The following MBD2 variants were observed in gnomAD, a reference collection of about 807,000 sequenced individuals.
MBD2 encodes the protein methyl-CpG-binding domain protein 2.
MBD2 carries 9 observed loss-of-function variants against 39.3 expected under a neutral mutation model. The ratio of observed to expected loss-of-function variants is 0.23; its 90% CI spans 0.14 to 0.40. MBD2 has a LOEUF of 0.40. MBD2 is among the 10% of genes least tolerant of loss of function. The pLI is 1.00. For synonymous variants in MBD2, 233 were observed against 211.1 expected, an observed-to-expected ratio of 1.10 and a Z score of -0.90; for missense variants, 458 against 532.6, an observed-to-expected ratio of 0.86 and a Z score of 1.38.
At position 54,205,129 on chromosome 18, in the gene MBD2, G is replaced by T; in HGVS notation, c.571C>A (p.Pro191Thr). The T allele has an allele frequency of 6.2e-7, 1 of 1,613,768 alleles. No individual in the cohort carries two copies. Among genetic ancestry groups the T allele is most frequent in the Non-Finnish European group, 8.5e-7 (1 of 1,179,874 alleles). Residue 191 changes from proline to threonine, a missense_variant, in exon 2 of 7, where the codon CCT (proline) becomes ACT (threonine). By Grantham distance (38) the Pro-to-Thr change is conservative (BLOSUM62 -1). Coordinates refer to ENST00000256429, the MANE Select transcript of MBD2 (RefSeq NM_003927.5). ...SPSGKKFRSK[P>T]QLARYLGNTV... ...TTTCCCAGGTACCTTGCCAACTGAG[G>T]CTTGCTTCTGAACTTCTTACCACTT...
At chr18:54,214,003 C>CTTTT (rs529774043) in intron 1 of MBD2, among the ~76,000 whole-genome samples, 1 of 129,298 alleles carries the variant, frequency 7.7e-6, no homozygotes. Flanking sequence ...TTCTTTCTTT[C>CTTTT]TTTTTTTTTT....
intron 3 of MBD2, among the ~76,000 whole-genome samples, chr18:54,172,262 G>T (rs2144291218): frequency 6.6e-6 from 1 of 152,206 alleles, no homozygotes; most frequent in South Asian, 2.1e-4. Context: ...AAAAAATAAA[G>T]AATTGGTGTA....
Position 54,164,805 on chromosome 18 carries a change from T to C in MBD2, c.932-105A>G, listed in dbSNP as rs186921808. 9.1e-5 allele frequency: 77 copies of C among 844,724 alleles called. No homozygotes were observed. In the African/African-American group the frequency reaches 1.2e-3, roughly 13 times the overall value. The allele number at this position is 844,724 out of a possible 1,614,324, so 52.3% of individuals were successfully genotyped here. A position where few individuals can be genotyped will look rare whatever the true frequency, so the allele number is the denominator to read the frequency against. On this transcript the variant is annotated intron_variant, in intron 4 of 6. Transcript: ENST00000256429. ...ATTTTTATATTCATTTGGGATCATA[T>C]ATGTAAAACTGACATAAGACAAAGC... is the stretch of plus-strand genomic sequence containing the variant.
chr18:54,206,092 G>T (rs552397446), intron 1 of MBD2, among the ~76,000 whole-genome samples: 4 of 152,212 alleles, frequency 2.6e-5, no homozygotes, highest in African/African-American at 9.6e-5. Context: ...TAATACTACT[G>T]AAATGAGAAA....
At position 54,188,943 on chromosome 18, in the gene MBD2, G is replaced by A. The variant is rs199780930; in HGVS notation, c.771C>T (p.Thr257=). The change falls in exon 3 of 7, where the codon ACC becomes ACT. Residue 257 remains threonine (T), a synonymous_variant. Transcript: ENST00000256429. ...QTASIFKQPV[T]KVTNHPSNKV... ...TATTACTAGGATGATTTGTGACTTTGGTTACCGGTTGTTTGAAAATTGATG... is the reference window on the plus strand; with the variant it reads ...TATTACTAGGATGATTTGTGACTTTAGTTACCGGTTGTTTGAAAATTGATG... The A allele has an allele frequency of 1.3e-4, 204 of 1,610,050 alleles. No individual in the cohort carries two copies. Among genetic ancestry groups the A allele is most frequent in the Admixed American group, 2.5e-4 (15 of 59,962 alleles).
intron 3 of MBD2, 127 bp from the exon 4 acceptor site, chr18:54,166,293 T>G (rs1305963692): frequency 1.6e-6 from 1 of 633,810 alleles, no homozygotes; most frequent in Non-Finnish European, 2.8e-6. Flanking sequence ...TTTTTCCTTA[T>G]AAAAAGCTAA....
chr18:54,215,771 G>GGTGT (rs1231126585), intron 1 of MBD2, among the ~76,000 whole-genome samples: 1 of 151,700 alleles, frequency 6.6e-6, no homozygotes, highest in East Asian at 1.9e-4. Flanking sequence ...TGGGATTAAA[G>GGTGT]GTGTGAGCCA....
intron 3 of MBD2, among the ~76,000 whole-genome samples, chr18:54,177,064 T>C (rs1249470872): frequency 6.6e-6 from 1 of 152,220 alleles, no homozygotes; most frequent in East Asian, 1.9e-4. Context: ...ACAATTATCC[T>C]AAGATGACCA....
intron 3 of MBD2, among the ~76,000 whole-genome samples, chr18:54,168,877 T>A (rs1199760635): frequency 6.6e-6 from 1 of 152,076 alleles, no homozygotes; most frequent in Non-Finnish European, 1.5e-5. Flanking sequence ...CTCAGTATGT[T>A]CCTAACTCAC....
chr18:54,218,065 C>T (rs950753113), intron 1 of MBD2, among the ~76,000 whole-genome samples: 9 of 152,156 alleles, frequency 5.9e-5, no homozygotes, highest in African/African-American at 2.2e-4. Flanking sequence ...TTCTATTATG[C>T]AATTAAGCTC....
chr18:54,157,347 G>T (rs955838136), intron 6 of MBD2, among the ~76,000 whole-genome samples: 3 of 151,008 alleles, frequency 2.0e-5, no homozygotes, highest in Non-Finnish European at 2.9e-5. Flanking sequence ...TGCAACCTCC[G>T]CCTCCCAGGT....
At chr18:54,178,348 C>T (rs2086226954) in intron 3 of MBD2, among the ~76,000 whole-genome samples, 1 of 151,796 alleles carries the variant, frequency 6.6e-6, no homozygotes, top group Non-Finnish European at 1.5e-5. Context: ...AGTATATAAA[C>T]ACAGTGACAG....
intron 1 of MBD2, among the ~76,000 whole-genome samples, chr18:54,205,550 C>T (rs1168317933): frequency 1.4e-5 from 2 of 144,748 alleles, no homozygotes; most frequent in Non-Finnish European, 3.0e-5. Flanking sequence ...AAGATCGCGT[C>T]ACTGTACTCC....
intron 1 of MBD2, among the ~76,000 whole-genome samples, chr18:54,207,266 G>A (rs766988487): frequency 3.3e-5 from 5 of 152,116 alleles, no homozygotes; most frequent in Non-Finnish European, 7.4e-5. Flanking sequence ...CAGATGGAAG[G>A]AGGAGCACAG....
At chr18:54,217,528 G>C (rs2086571333) in intron 1 of MBD2, among the ~76,000 whole-genome samples, 1 of 152,138 alleles carries the variant, frequency 6.6e-6, no homozygotes, top group African/African-American at 2.4e-5. Flanking sequence ...AATCCAGGAA[G>C]AGTTTATGGT....
chr18:54,220,201 A>G (rs545905730), intron 1 of MBD2, among the ~76,000 whole-genome samples: 1 of 152,304 alleles, frequency 6.6e-6, no homozygotes, highest in African/African-American at 2.4e-5. Context: ...TATGCAAGCA[A>G]CTAGAAATGA....
chr18:54,208,492 A>G (rs1296081216), intron 1 of MBD2, among the ~76,000 whole-genome samples: 1 of 151,972 alleles, frequency 6.6e-6, no homozygotes, highest in African/African-American at 2.4e-5. Context: ...CTCTGTCTCA[A>G]TAAAATAAAA....
At chr18:54,169,349 G>C (rs574007467) in intron 3 of MBD2, among the ~76,000 whole-genome samples, 2 of 151,104 alleles carry the variant, frequency 1.3e-5, no homozygotes, top group South Asian at 4.1e-4. Flanking sequence ...TAGTCAGTCA[G>C]CTCCTCTCAC....
intron 3 of MBD2, among the ~76,000 whole-genome samples, chr18:54,176,139 C>T (rs1189072389): frequency 6.6e-6 from 1 of 152,184 alleles, no homozygotes; most frequent in South Asian, 2.1e-4. Flanking sequence ...ACACAAAATT[C>T]GCACTCAGAT....
Sources: gnomAD v4.1 joint callset for allele counts (sites outside exome capture counted in the v4.1 genomes callset) on GRCh38, gnomAD v4.1.1 for gene constraint, MANE v1.5 for transcripts, NCBI Gene and HGNC (gene_info 2026-07-23, HGNC 2026-07-21) for gene names.